The following SLC8A1 variants were observed in gnomAD, a reference collection of about 807,000 sequenced individuals.
The protein encoded by SLC8A1 is solute carrier family 8 member A1, also known as sodium/calcium exchanger 1.
In SLC8A1, 18 loss-of-function variants were observed where a neutral mutation model predicts 68.3. The ratio of observed to expected loss-of-function variants is 0.26; its 90% CI spans 0.18 to 0.39. SLC8A1 has a LOEUF of 0.39. SLC8A1 is among the 10% of genes least tolerant of loss of function. SLC8A1 has a pLI of 1.00. For missense variants in SLC8A1, 985 were observed against 1,156.7 expected (o/e 0.85, Z 2.15); for synonymous variants, 475 against 415.5 (o/e 1.14, Z -1.74).
At chr2:40,256,890 T>G (rs1318461363) in intron 2 of SLC8A1, among the ~76,000 whole-genome samples, 4 of 152,154 alleles carry the variant, frequency 2.6e-5, no homozygotes, top group African/African-American at 9.7e-5. Flanking sequence ...TGCCTTCCCT[T>G]TTCTGAAACT....
chr2:40,319,399 C>G (rs765540551), intron 2 of SLC8A1, among the ~76,000 whole-genome samples: 1 of 152,070 alleles, frequency 6.6e-6, no homozygotes, highest in Non-Finnish European at 1.5e-5. Context: ...TTAGTCTTCT[C>G]ACTGGTTTTC....
chr2:40,481,376 G>A (rs1187597798), intron 1 of SLC8A1, among the ~76,000 whole-genome samples: 3 of 152,170 alleles, frequency 2.0e-5, no homozygotes, highest in Non-Finnish European at 4.4e-5. Flanking sequence ...AGCCATACCT[G>A]GCTTTAAATT....
intron 2 of SLC8A1, among the ~76,000 whole-genome samples, chr2:40,179,928 C>G (rs1400671082): frequency 6.6e-6 from 1 of 152,112 alleles, no homozygotes; most frequent in African/African-American, 2.4e-5. Flanking sequence ...GGTTCTGGTT[C>G]CCTGAAACCC....
rs765310599 is a variant in SLC8A1 at position 40,170,270 on chromosome 2, G to T, written c.1930+4555C>A. ...GGCTGTGGTTTTCAAGGATCATGAT[G>T]AAATGAGTACCTGCAATGGTGATTA... On this transcript the variant is annotated intron_variant, in intron 4 of 7. Coordinates refer to ENST00000406785, the Ensembl canonical transcript of SLC8A1. 20 of 1,612,334 alleles carry T rather than the reference G, an allele frequency of 1.2e-5. No individual in the cohort carries two copies. Among genetic ancestry groups the T allele is most frequent in the Non-Finnish European group, 1.7e-5 (20 of 1,178,480 alleles).
intron 2 of SLC8A1, among the ~76,000 whole-genome samples, chr2:40,382,394 A>T (rs201228174): frequency 1.2e-5 from 1 of 82,522 alleles, no homozygotes; most frequent in East Asian, 3.2e-4. Context: ...GCCAAGGGTT[A>T]GTATTTTTAT....
chr2:40,340,747 C>G (rs1193937219), intron 2 of SLC8A1, among the ~76,000 whole-genome samples: 1 of 152,092 alleles, frequency 6.6e-6, no homozygotes, highest in African/African-American at 2.4e-5. Flanking sequence ...CTGTTTCTTG[C>G]TAAATTGAAA....
At chr2:40,497,323 C>T (rs1705774886) in intron 1 of SLC8A1, among the ~76,000 whole-genome samples, 1 of 152,058 alleles carries the variant, frequency 6.6e-6, no homozygotes, top group South Asian at 2.1e-4. Flanking sequence ...AGCATACCCA[C>T]TGTGTGTCAG....
chr2:40,327,563 G>A (rs1050092585), intron 2 of SLC8A1, among the ~76,000 whole-genome samples: 8 of 150,712 alleles, frequency 5.3e-5, no homozygotes, highest in South Asian at 2.1e-4. Context: ...GTGCTTCACC[G>A]TGGAATACTA....
At chr2:40,258,412 G>A (rs1054230091) in intron 2 of SLC8A1, among the ~76,000 whole-genome samples, 1 of 152,120 alleles carries the variant, frequency 6.6e-6, no homozygotes, top group African/African-American at 2.4e-5. Flanking sequence ...TCTCAGATTG[G>A]TCCTAAAGCT....
At chr2:40,234,732 G>A (rs1423241642) in intron 2 of SLC8A1, among the ~76,000 whole-genome samples, 1 of 152,086 alleles carries the variant, frequency 6.6e-6, no homozygotes, top group Non-Finnish European at 1.5e-5. Flanking sequence ...TAGTGGCTGT[G>A]GGTTTGTCAT....
intron 2 of SLC8A1, among the ~76,000 whole-genome samples, chr2:40,312,675 C>T (rs2073887015): frequency 6.6e-6 from 1 of 152,164 alleles, no homozygotes; most frequent in African/African-American, 2.4e-5. Flanking sequence ...TTGGAAAATA[C>T]AAGATAAGAT....
At chr2:40,432,415 G>GTGTGTGTGTGTGTGTGTGTT (rs1167453627) in intron 1 of SLC8A1, among the ~76,000 whole-genome samples, 1 of 144,816 alleles carries the variant, frequency 6.9e-6, no homozygotes, top group South Asian at 2.3e-4. Flanking sequence ...GTGTGTGTGT[G>GTGTGTGTGTGTGTGTGTGTT]TGTGTGTGTA....
At chr2:40,128,291 G>C (rs1008965153) in intron 7 of SLC8A1, among the ~76,000 whole-genome samples, 8 of 152,162 alleles carry the variant, frequency 5.3e-5, no homozygotes, top group Non-Finnish European at 1.2e-4. Flanking sequence ...GACCAGACAT[G>C]GCAATGAAGT....
intron 2 of SLC8A1, among the ~76,000 whole-genome samples, chr2:40,210,960 C>T (rs1345925486): frequency 6.6e-6 from 1 of 152,190 alleles, no homozygotes; most frequent in African/African-American, 2.4e-5. Context: ...TTACACAGGA[C>T]ATAGTCCTTG....
intron 1 of SLC8A1, among the ~76,000 whole-genome samples, chr2:40,506,372 G>T (rs1362869996): frequency 6.6e-6 from 1 of 151,834 alleles, no homozygotes; most frequent in Non-Finnish European, 1.5e-5. Context: ...TTTTAGAATG[G>T]TTATCTATTT....
Position 40,293,416 on chromosome 2 carries a change from T to C in SLC8A1, c.1809-115561A>G, listed in dbSNP as rs965624580. Among the ~76,000 whole-genome samples the C allele has an allele frequency of 3.3e-5, 5 of 152,330 alleles. No homozygotes were observed. The South Asian group carries it at 1.0e-3, about 32-fold the overall frequency. On this transcript the variant is annotated intron_variant, in intron 2 of 7. Transcript: ENST00000406785. ...GATTGTAAATAAAGTTGTATATTGATGCTGCTGTGTCCAGTTAAATAAACC... is the reference window on the plus strand; with the variant it reads ...GATTGTAAATAAAGTTGTATATTGACGCTGCTGTGTCCAGTTAAATAAACC...
chr2:40,376,167 A>G (rs1679796976), intron 2 of SLC8A1, among the ~76,000 whole-genome samples: 1 of 152,090 alleles, frequency 6.6e-6, no homozygotes, highest in East Asian at 1.9e-4. Context: ...ACTGATTGCA[A>G]TATAAGTTTG....
chr2:40,457,285 A>G (rs1488513323), intron 1 of SLC8A1, among the ~76,000 whole-genome samples: 1 of 152,200 alleles, frequency 6.6e-6, no homozygotes, highest in African/African-American at 2.4e-5. Context: ...GGTGCTTTGT[A>G]CCAGGCAGTT....
intron 2 of SLC8A1, among the ~76,000 whole-genome samples, chr2:40,422,171 C>G (rs933634065): frequency 2.0e-5 from 3 of 152,108 alleles, no homozygotes; most frequent in Admixed American, 1.3e-4. Context: ...TTCCTGCCAC[C>G]TGGCCCAGAG....
Sources: gnomAD v4.1 joint callset for allele counts (sites outside exome capture counted in the v4.1 genomes callset) on GRCh38, gnomAD v4.1.1 for gene constraint, MANE v1.5 for transcripts, NCBI Gene and HGNC (gene_info 2026-07-23, HGNC 2026-07-21) for gene names.